The following COL4A5 variants were observed in gnomAD, a reference collection of about 807,000 sequenced individuals.
COL4A5 encodes the protein collagen alpha-5(IV) chain.
Under a neutral mutation model 130.2 loss-of-function variants are expected in COL4A5, and 26 were observed. The ratio of observed to expected loss-of-function variants is 0.20; its 90% CI spans 0.15 to 0.28. COL4A5 has a LOEUF of 0.28. COL4A5 is among the 10% of genes least tolerant of loss of function. The pLI is 1.00. For synonymous variants in COL4A5, 496 were observed against 439.6 expected (o/e 1.13, Z -1.60); for missense variants, 1,131 against 1,344.3 (o/e 0.84, Z 2.48).
intron 42 of COL4A5, among the ~76,000 whole-genome samples, chrX:108,671,423 C>T (rs910408041): frequency 8.9e-6 from 1 of 111,792 alleles, no homozygotes; most frequent in African/African-American, 3.3e-5. Flanking sequence ...TAGTTTCTTA[C>T]TCCACTGCAA....
At chrX:108,541,636 C>A (rs975830195) in intron 2 of COL4A5, among the ~76,000 whole-genome samples, 7 of 111,603 alleles carry the variant, frequency 6.3e-5, no homozygotes, top group African/African-American at 2.0e-4. Context: ...GGAAAGAGCT[C>A]AAAAAATTGC....
intron 1 of COL4A5, among the ~76,000 whole-genome samples, chrX:108,467,901 T>C (rs1040488156): frequency 5.4e-5 from 6 of 111,824 alleles, no homozygotes; most frequent in African/African-American, 2.0e-4. Context: ...TTGTGGATTC[T>C]TTAAGGCTTT....
At chrX:108,450,430 CTG>C (rs1353281237) in intron 1 of COL4A5, among the ~76,000 whole-genome samples, 1 of 111,759 alleles carries the variant, frequency 8.9e-6, no homozygotes, top group African/African-American at 3.3e-5. Context: ...CTGAGACAAA[CTG>C]TGGTTATTTA....
intron 1 of COL4A5, among the ~76,000 whole-genome samples, chrX:108,528,844 T>G (rs1276125413): frequency 8.9e-6 from 1 of 112,032 alleles, no homozygotes; most frequent in African/African-American, 3.2e-5. Flanking sequence ...ATCTTAAAAA[T>G]TATTGTTAGC....
chrX:108,580,986 A>G lies in COL4A5; in HGVS notation c.895A>G (p.Lys299Glu). 1 of 1,207,854 alleles carries G rather than the reference A, an allele frequency of 8.3e-7. No individual in the cohort carries two copies. Among genetic ancestry groups the G allele is most frequent in the Non-Finnish European group, 1.1e-6 (1 of 892,088 alleles). The change falls in exon 16 of 53, where the codon AAA (lysine) becomes GAA (glutamate). Residue 299 changes from lysine to glutamate, a missense_variant. Transcript: ENST00000328300. ...ATCATTTCTTTGTATCCTATAGGGT[A>G]AACCAGGCAAAGATGGAGAAAATGG... ...GEQGEPGKRG[K>E]PGKDGENGQP...
At chrX:108,522,937 G>A (rs2065278791) in intron 1 of COL4A5, among the ~76,000 whole-genome samples, 1 of 106,150 alleles carries the variant, frequency 9.4e-6, no homozygotes, top group Admixed American at 1.0e-4. Context: ...GAGTTCACTG[G>A]CTCAATCTTG....
At chrX:108,608,262 T>C (rs953527797) in intron 29 of COL4A5, among the ~76,000 whole-genome samples, 8 of 111,343 alleles carry the variant, frequency 7.2e-5, no homozygotes, top group African/African-American at 2.6e-4. Context: ...AGTAAGTAGG[T>C]TTCTAAGTAT....
intron 19 of COL4A5, among the ~76,000 whole-genome samples, chrX:108,589,398 A>G (rs2147793740): frequency 9.0e-6 from 1 of 111,134 alleles, no homozygotes; most frequent in South Asian, 3.7e-4. Flanking sequence ...CTGGGTAAAT[A>G]GAAAATAAAA....
chrX:108,693,399 A>C (rs756490523), intron 50 of COL4A5, among the ~76,000 whole-genome samples: 2 of 111,757 alleles, frequency 1.8e-5, no homozygotes, highest in South Asian at 3.7e-4. Flanking sequence ...AATGGGTAAT[A>C]AAACAATGTG....
intron 36 of COL4A5, among the ~76,000 whole-genome samples, chrX:108,642,419 A>G (rs930670967): frequency 9.0e-6 from 1 of 111,499 alleles, no homozygotes; most frequent in African/African-American, 3.3e-5. Context: ...ACCTCCTGGC[A>G]GGAAGCCAAC....
intron 36 of COL4A5, among the ~76,000 whole-genome samples, chrX:108,646,040 T>G (rs1386531840): frequency 9.5e-6 from 1 of 104,890 alleles, no homozygotes; most frequent in Non-Finnish European, 1.9e-5. Context: ...ACAATAAATA[T>G]ACATGTGCAT....
rs771529277 is a variant in COL4A5, at chrX:108,685,159, CA to C, written c.4217-868del. Among the ~76,000 whole-genome samples, 56 of 112,106 alleles carry C rather than the reference CA, an allele frequency of 5.0e-4. 1 individual carries two copies. Among genetic ancestry groups the C allele is most frequent in the African/African-American group, 1.3e-3 (41 of 30,909 alleles). On this transcript the variant is annotated intron_variant, in intron 47 of 52. Coordinates refer to ENST00000328300, the MANE Select transcript of COL4A5 (RefSeq NM_033380.3). ...CACAGCCAATATCATACTGAATGGGCAAAAGCTGGAAGCATTCCCTTTGAAA... is the reference window on the plus strand; with the variant it reads ...CACAGCCAATATCATACTGAATGGGCAAAGCTGGAAGCATTCCCTTTGAAA...
chrX:108,495,768 C>T (rs1489474178), intron 1 of COL4A5, among the ~76,000 whole-genome samples: 1 of 112,420 alleles, frequency 8.9e-6, no homozygotes, highest in African/African-American at 3.2e-5. Flanking sequence ...TTCCCAACCA[C>T]TCCTGTCAGT....
intron 9 of COL4A5, among the ~76,000 whole-genome samples, chrX:108,575,102 T>C (rs191486440): frequency 1.1e-3 from 121 of 111,385 alleles, no homozygotes; most frequent in African/African-American, 3.4e-3. Context: ...AATTTTTTCA[T>C]TACAAAAAAA....
intron 8 of COL4A5, among the ~76,000 whole-genome samples, chrX:108,572,751 G>A (rs1321464051): frequency 9.0e-6 from 1 of 111,635 alleles, no homozygotes; most frequent in Non-Finnish European, 1.9e-5. Context: ...AACCAAGAAT[G>A]ACATTTTAAA....
rs1569509535 is a variant in COL4A5 at position 108,696,664 on chromosome X, T to C, written c.*286T>C. On this transcript the variant is annotated 3_prime_UTR_variant, in exon 53 of 53. Coordinates refer to ENST00000328300, the MANE Select transcript of COL4A5 (RefSeq NM_033380.3). The stretch of plus-strand genomic sequence containing the variant: ...AGAATTATAAGATGAAAATTATATA[T>C]TTTGCCCAGTTACTAAAATGGTACA... The C allele has an allele frequency of 1.1e-5, 2 of 179,595 alleles. No homozygotes were observed. Among genetic ancestry groups the C allele is most frequent in the Non-Finnish European group, 2.1e-5 (2 of 97,404 alleles). 14.8% of individuals were successfully genotyped at this position (179,595 alleles called of 1,213,427 possible). A position where few individuals can be genotyped will look rare whatever the true frequency, so the allele number is the denominator to read the frequency against.
intron 2 of COL4A5, among the ~76,000 whole-genome samples, chrX:108,555,392 A>G (rs1466814802): frequency 8.9e-6 from 1 of 112,307 alleles, no homozygotes; most frequent in Non-Finnish European, 1.9e-5. Context: ...GTTCTACATA[A>G]CTACAAAAAC....
chrX:108,605,829 G>A (rs1363681037), intron 28 of COL4A5, among the ~76,000 whole-genome samples: 1 of 111,862 alleles, frequency 8.9e-6, no homozygotes, highest in Non-Finnish European at 1.9e-5. Context: ...CTTGTATACT[G>A]TTGTTCTCTG....
chrX:108,477,512 T>C (rs779942558), intron 1 of COL4A5, among the ~76,000 whole-genome samples: 24 of 111,365 alleles, frequency 2.2e-4, no homozygotes, highest in African/African-American at 6.9e-4. Flanking sequence ...AAACATGTTT[T>C]TAACAAAAGA....
Sources: allele counts gnomAD v4.1 joint callset (sites outside exome capture counted in the v4.1 genomes callset), GRCh38; gene constraint gnomAD v4.1.1; transcripts MANE v1.5; gene names NCBI Gene and HGNC (gene_info 2026-07-23, HGNC 2026-07-21).